GRHL2: variants seen among roughly 807,000 people sequenced by gnomAD.
GRHL2 encodes grainyhead-like protein 2 homolog.
GRHL2 carries 21 observed loss-of-function variants against 83.8 expected under a neutral mutation model. The ratio of observed to expected loss-of-function variants is 0.25; its 90% CI spans 0.18 to 0.36. GRHL2 has a LOEUF of 0.36. GRHL2 is among the 10% of genes least tolerant of loss of function. The probability of loss-of-function intolerance (pLI) is 1.00; values close to 1 mark genes in which losing one functional copy is unlikely to be tolerated. For synonymous variants in GRHL2, 280 were observed against 278.9 expected (o/e 1.00, Z -0.04); for missense variants, 623 against 781.8 (o/e 0.80, Z 2.42).
chr8:101,594,109 G>T (rs1320326415), intron 7 of GRHL2, among the ~76,000 whole-genome samples: 1 of 145,218 alleles, frequency 6.9e-6, no homozygotes, highest in East Asian at 2.0e-4. Flanking sequence ...GAGAGAGATA[G>T]TGAAGGGGGA....
chr8:101,563,628 G>A (rs1811653464), intron 4 of GRHL2, among the ~76,000 whole-genome samples: 2 of 152,054 alleles, frequency 1.3e-5, no homozygotes, highest in South Asian at 4.2e-4. Context: ...AACTTTCAAT[G>A]CTCTTGAAAT....
chr8:101,648,411 C>A (rs1008728989), intron 13 of GRHL2, among the ~76,000 whole-genome samples: 9 of 152,206 alleles, frequency 5.9e-5, no homozygotes, highest in African/African-American at 2.2e-4. Flanking sequence ...TACTCCACTT[C>A]ACTGAGGGCA....
At chr8:101,678,295 C>G in the GRHL2 span, among the ~76,000 whole-genome samples, 2 of 152,162 alleles carry the variant, frequency 1.3e-5, no homozygotes, top group African/African-American at 2.4e-5. Flanking sequence ...CAGGGAGTTC[C>G]CTTTCCTAGT....
At chr8:101,603,206 A>G (rs1274500924) in intron 8 of GRHL2, among the ~76,000 whole-genome samples, 1 of 152,248 alleles carries the variant, frequency 6.6e-6, no homozygotes, top group Non-Finnish European at 1.5e-5. Flanking sequence ...AGCTGGCCAT[A>G]TCAGAGGAGA....
rs572251421 is a variant in GRHL2 at position 101,619,445 on chromosome 8, T to C, written c.1099-94T>C. 9.9e-4 allele frequency: 989 copies of C among 1,003,748 alleles called. 15 individuals are homozygous for C. Among genetic ancestry groups the C allele is most frequent in the Middle Eastern group, 8.4e-3 (41 of 4,862 alleles). The allele number at this position is 1,003,748 out of a possible 1,614,324, so 62.2% of individuals were successfully genotyped here. On this transcript the variant is annotated intron_variant, in intron 8 of 15. Coordinates refer to ENST00000646743, the MANE Select transcript of GRHL2 (RefSeq NM_024915.4). ...TATTCTTCAGTTGTCTTTATGGGGT[T>C]GTTTAGTATTTTGACTTAAAGTCTA... is the stretch of plus-strand genomic sequence containing the variant.
intron 5 of GRHL2, among the ~76,000 whole-genome samples, chr8:101,571,490 T>A (rs1012252763): frequency 2.3e-3 from 299 of 131,156 alleles, no homozygotes; most frequent in Non-Finnish European, 2.9e-3. Context: ...CCCCATTACA[T>A]AAAAAAAAAA....
intron 3 of GRHL2, among the ~76,000 whole-genome samples, chr8:101,556,488 C>T (rs1219900479): frequency 3.3e-5 from 5 of 152,328 alleles, no homozygotes; most frequent in Admixed American, 2.0e-4. Flanking sequence ...TTGCTGTCAA[C>T]AATAATTTTC....
intron 4 of GRHL2, among the ~76,000 whole-genome samples, chr8:101,563,709 AT>A (rs58383029): frequency 0.14 from 20,814 of 147,110 alleles, 1,707 homozygotes; most frequent in East Asian, 0.27. Flanking sequence ...TAGCAAACTT[AT>A]TTTTTTTTTG....
At chr8:101,591,954 T>G (rs1201735976) in intron 7 of GRHL2, among the ~76,000 whole-genome samples, 1 of 152,164 alleles carries the variant, frequency 6.6e-6, no homozygotes, top group East Asian at 1.9e-4. Flanking sequence ...AATCTTACTG[T>G]GCAGGTAACT....
intron 14 of GRHL2, 119 bp from the exon 15 acceptor site, chr8:101,664,335 G>A: frequency 1.6e-6 from 1 of 624,150 alleles, no homozygotes; most frequent in Non-Finnish European, 2.8e-6. Flanking sequence ...TTCGACTCAT[G>A]AGTGAAGAGC....
At chr8:101,522,746 T>TAC (rs1810714139) in intron 1 of GRHL2, among the ~76,000 whole-genome samples, 1 of 123,574 alleles carries the variant, frequency 8.1e-6, no homozygotes, top group Non-Finnish European at 1.8e-5. Context: ...TACATATATA[T>TAC]ATATACACAC....
At chr8:101,514,924 C>CT (rs975374591) in intron 1 of GRHL2, among the ~76,000 whole-genome samples, 25 of 150,962 alleles carry the variant, frequency 1.7e-4, no homozygotes, top group Non-Finnish European at 3.0e-5. Context: ...CTTGTTCTTT[C>CT]TTCTTCTCCT....
At chr8:101,665,981 A>G (rs560142635) in intron 15 of GRHL2, among the ~76,000 whole-genome samples, 8 of 152,200 alleles carry the variant, frequency 5.3e-5, no homozygotes, top group Non-Finnish European at 1.0e-4. Context: ...GAATGAGGTA[A>G]AGCTAATTTC....
chr8:101,522,159 T>C (rs983282312), intron 1 of GRHL2, among the ~76,000 whole-genome samples: 3 of 152,164 alleles, frequency 2.0e-5, no homozygotes, highest in Admixed American at 1.3e-4. Flanking sequence ...AAGTGTGTGA[T>C]GTTCCCCTTC....
intron 1 of GRHL2, chr8:101,529,134 G>T: frequency 3.0e-6 from 1 of 331,298 alleles, no homozygotes. Context: ...TCATCTCCCA[G>T]TACATCTTCA....
chr8:101,558,295 C>T (rs185667428), intron 3 of GRHL2, 124 bp from the exon 4 acceptor site: 20 of 1,164,124 alleles, frequency 1.7e-5, no homozygotes, highest in East Asian at 2.4e-5. Flanking sequence ...TGAAGTTTGC[C>T]AGCCCCCTGT....
chr8:101,504,365 A>T (rs939366699), intron 1 of GRHL2, among the ~76,000 whole-genome samples: 3 of 152,252 alleles, frequency 2.0e-5, no homozygotes, highest in African/African-American at 7.2e-5. Flanking sequence ...TAGGTGTATA[A>T]GTTTCCAACA....
In GRHL2 at chr8:101,573,647, G is replaced by A. The variant is rs757115763; in HGVS notation, c.735-21G>A. 27 of 1,613,828 alleles carry A rather than the reference G, an allele frequency of 1.7e-5. No homozygotes were observed. The East Asian group carries it at 2.5e-4, about 15-fold the overall frequency. ...AATGTCCAAGTGAGTGGATCTGACCGCTGTTTGTTTTCTTTCACAGTGGCA... is the reference window on the plus strand; with the variant it reads ...AATGTCCAAGTGAGTGGATCTGACCACTGTTTGTTTTCTTTCACAGTGGCA... On this transcript the variant is annotated intron_variant, in intron 5 of 15. Coordinates refer to ENST00000646743, the MANE Select transcript of GRHL2 (RefSeq NM_024915.4).
chr8:101,613,301 C>A (rs1196192225), intron 8 of GRHL2, among the ~76,000 whole-genome samples: 2 of 150,756 alleles, frequency 1.3e-5, no homozygotes, highest in Admixed American at 1.3e-4. Flanking sequence ...AATATTTTAT[C>A]AGGAAGAAAG....
Sources: gnomAD v4.1 joint callset for allele counts (sites outside exome capture counted in the v4.1 genomes callset) on GRCh38, gnomAD v4.1.1 for gene constraint, MANE v1.5 for transcripts, NCBI Gene and HGNC (gene_info 2026-07-23, HGNC 2026-07-21) for gene names.